The following HSPG2 variants were observed in gnomAD, a reference collection of about 807,000 sequenced individuals.
HSPG2 encodes heparan sulfate proteoglycan 2.
A neutral mutation model predicts 526.6 loss-of-function variants in HSPG2; 278 were observed. The observed-to-expected ratio is 0.53, with a 90% CI of 0.48 to 0.58. The LOEUF is 0.58. Ranked by LOEUF, HSPG2 falls within the 20% of genes least tolerant of loss-of-function variation. The pLI is 0.00. For missense variants in HSPG2, 5,354 were observed against 6,099.5 expected (o/e 0.88, Z 4.07); for synonymous variants, 2,465 against 2,555.4 (o/e 0.96, Z 1.07).
intron 85 of HSPG2, 31 bp from the exon 86 acceptor site, chr1:21,830,122 C>G (rs1375563584): frequency 6.5e-7 from 1 of 1,533,784 alleles, no homozygotes; most frequent in Non-Finnish European, 8.8e-7. Context: ...TGAAAAGACA[C>G]GGAGGTGACT....
rs1572213930 is a variant in HSPG2 at position 21,848,513 on chromosome 1, C to T, written c.7737+130G>A. On this transcript the variant is annotated intron_variant, in intron 59 of 96. Transcript: ENST00000374695. This position sits in a 1 kb window ranked among gnomAD's most constrained non-coding sequence, Gnocchi z 4.9. ...GTATTCTCAGCACTGGTCTAGGACC[C>T]ATCCAGCAAGGATACTCAATGTTTG... 1 of 1,088,450 alleles carries T rather than the reference C, an allele frequency of 9.2e-7. No individual in the cohort carries two copies. The highest frequency in any genetic ancestry group is 1.4e-6 in the Non-Finnish European group (1 of 713,276). 67.4% of individuals were successfully genotyped at this position (1,088,450 alleles called of 1,614,324 possible).
rs1208991299 is a variant in HSPG2, at chr1:21,852,851, G to C, written c.6592-19C>G. On this transcript the variant is annotated intron_variant, in intron 51 of 96. Coordinates refer to ENST00000374695, the MANE Select transcript of HSPG2 (RefSeq NM_005529.7). ...CGTGGGTCTGTGTGCAAATGGGGTG[G>C]GTTGGGAGGGGGCTGGAACAGTCCC... 5.0e-6 allele frequency: 8 copies of C among 1,611,348 alleles called. No individual in the cohort carries two copies. In the East Asian group the frequency reaches 1.8e-4, roughly 36 times the overall value.
chr1:21,859,955 C>T lies in HSPG2; in HGVS notation c.5062G>A (p.Val1688Met), dbSNP rs1406639261. Residue 1688 changes from valine to methionine, a missense_variant, in exon 41 of 97, where the codon GTG (valine) becomes ATG (methionine). Val to Met is a conservative substitution (Grantham distance 21). Transcript: ENST00000374695. The surrounding 1 kb of genome is among the most constrained non-coding windows in gnomAD (Gnocchi z 5.3). ...VVEVHPARSI[V>M]PQGGSHSLRC... The stretch of plus-strand genomic sequence containing the variant: ...AGGGAGTGGGAGCCACCTTGGGGCA[C>T]TATGCTTCGAGCAGGATGGACCTCG... 6.2e-6 allele frequency: 10 copies of T among 1,610,800 alleles called. No homozygotes were observed. Among genetic ancestry groups the T allele is most frequent in the Non-Finnish European group, 8.5e-6 (10 of 1,179,500 alleles).
intron 6 of HSPG2, chr1:21,889,770 C>A: frequency 1.6e-6 from 1 of 611,624 alleles, no homozygotes; most frequent in Non-Finnish European, 3.0e-6. Context: ...AAGGAAGGAG[C>A]AGAACTCGGG....
chr1:21,843,934 C>G (rs921689867), intron 65 of HSPG2, among the ~76,000 whole-genome samples: 5 of 152,228 alleles, frequency 3.3e-5, no homozygotes, highest in African/African-American at 1.2e-4. Flanking sequence ...CTGCGCCCAG[C>G]CAGAGATGTC....
chr1:21,830,437 A>G, intron 85 of HSPG2: 1 of 357,662 alleles, frequency 2.8e-6, no homozygotes, highest in South Asian at 2.7e-5. Flanking sequence ...CTGTAATCCC[A>G]GCACTTTGGG....
chr1:21,931,877 G>A (rs1569716863), intron 1 of HSPG2, among the ~76,000 whole-genome samples: 1 of 152,160 alleles, frequency 6.6e-6, no homozygotes, highest in East Asian at 1.9e-4. Context: ...AGGACAACCA[G>A]GAGGGTGTTC....
chr1:21,831,784 G>T lies in HSPG2; in HGVS notation c.11220C>A (p.Gly3740=). 6.2e-7 allele frequency: 1 copy of T among 1,601,582 alleles called. No individual in the cohort carries two copies. Among genetic ancestry groups the T allele is most frequent in the East Asian group, 2.2e-5 (1 of 44,604 alleles). Residue 3740 remains glycine, a synonymous_variant, in exon 82 of 97, where the codon GGC becomes GGA. Coordinates refer to ENST00000374695, the MANE Select transcript of HSPG2 (RefSeq NM_005529.7). ...GATGGCGGATGGTGGCCATGCCTGA[G>T]CCTGCATCGAACCTGCTCCGTGGGG... ...GGRPEFRFDA[G]SGMATIRHPT...
At position 21,824,763 on chromosome 1, in the gene HSPG2, G is replaced by A. The variant is rs778309550; in HGVS notation, c.12606C>T (p.Tyr4202=). 34 of 1,612,810 alleles carry A rather than the reference G, an allele frequency of 2.1e-5. No individual in the cohort carries two copies. The highest frequency in any genetic ancestry group is 2.4e-5 in the Non-Finnish European group (28 of 1,179,572). Reference sequence around the variant, plus strand: ...AGCCATCATCGTGGAAATAGGCTCCGTACTGCCCAGGGGCATCTGTGGGAG... The same window carrying A: ...AGCCATCATCGTGGAAATAGGCTCCATACTGCCCAGGGGCATCTGTGGGAG... The part of the protein sequence containing the change: ...GSGGNDAPGQ[Y]GAYFHDDGFL... Residue 4202 remains tyrosine, a synonymous_variant, in exon 92 of 97, where the codon TAC becomes TAT. Transcript: ENST00000374695. The surrounding 1 kb of genome is among the most constrained non-coding windows in gnomAD (Gnocchi z 5.9).
chr1:21,838,310 A>C (rs1476682285), intron 74 of HSPG2, among the ~76,000 whole-genome samples: 1 of 152,166 alleles, frequency 6.6e-6, no homozygotes, highest in East Asian at 1.9e-4. Flanking sequence ...TTTGGGGCCC[A>C]AAAGCCCTCA....
rs1874792 is a variant in HSPG2, at chr1:21,880,742, T to C, written c.1912A>G (p.Met638Val). ...GAGAGGAGGCGGTACCCGGCACCCA[T>C]GAGGACCACGTCCGGCCGCTGCACT... ...EPVQRPDVVL[M>V]GAGYRLLSRG... The change falls in exon 15 of 97, where the codon ATG (methionine) becomes GTG (valine). Residue 638 changes from methionine (M) to valine (V), a missense_variant. Transcript: ENST00000374695. 1 allele frequency: 1,594,995 copies of C among 1,601,730 alleles called. 794,360 individuals carry two copies. Among genetic ancestry groups the C allele is most frequent in the East Asian group, 1 (44,346 of 44,348 alleles).
At chr1:21,911,325 G>A (rs1470268012) in intron 1 of HSPG2, among the ~76,000 whole-genome samples, 1 of 152,212 alleles carries the variant, frequency 6.6e-6, no homozygotes, top group East Asian at 1.9e-4. Context: ...GCTGACAACA[G>A]CTGGGGAGAG....
intron 1 of HSPG2, among the ~76,000 whole-genome samples, chr1:21,926,015 A>C (rs1438722481): frequency 2.0e-5 from 3 of 151,972 alleles, no homozygotes; most frequent in Non-Finnish European, 4.4e-5. Flanking sequence ...TTTTCAGTAG[A>C]GATGGGGTTT....
rs752642571 is a variant in HSPG2, at chr1:21,885,341, G to C, written c.1189C>G (p.Arg397Gly). 1.1e-5 allele frequency: 18 copies of C among 1,613,890 alleles called. No individual in the cohort carries two copies. The South Asian group carries it at 2.0e-4, about 18-fold the overall frequency. The change falls in exon 10 of 97, where the codon CGG becomes GGG. Residue 397 changes from arginine to glycine, a missense_variant. Physicochemically the swap from Arg to Gly is moderately radical, Grantham distance 125. Coordinates refer to ENST00000374695, the MANE Select transcript of HSPG2 (RefSeq NM_005529.7). ...HCDEESDCPD[R>G]SDEFGCMPPQ... ...TCACTGCAGCCAAACTCGTCGCTCC[G>C]GTCAGGACAGTCGCTCTCCTCGTCA...
rs775571464 is a variant in HSPG2, at chr1:21,846,115, G to A, written c.8457C>T (p.His2819=). ...TIEASGSSAV[H]VPAPGGAPPI... ...CACTGCAGGGACCCTCACCGGGGAC[G>A]TGGACAGCACTTGAGCCAGAGGCTT... Residue 2819 remains histidine (H), a synonymous_variant, in exon 64 of 97, where the codon CAC becomes CAT. Coordinates refer to ENST00000374695, the MANE Select transcript of HSPG2 (RefSeq NM_005529.7). The A allele has an allele frequency of 1.6e-5, 25 of 1,612,680 alleles. No homozygotes were observed. The East Asian group carries it at 2.2e-4, about 14-fold the overall frequency.
At chr1:21,825,162 C>T in intron 91 of HSPG2, 1 of 308,750 alleles carries the variant, frequency 3.2e-6, no homozygotes, top group Non-Finnish European at 6.2e-6. Context: ...ACTGAGATCA[C>T]CAGATCTTGT....
At chr1:21,896,662 G>A (rs1187734842) in intron 1 of HSPG2, among the ~76,000 whole-genome samples, 1 of 152,194 alleles carries the variant, frequency 6.6e-6, no homozygotes, top group Non-Finnish European at 1.5e-5. Context: ...GATGCGGGCG[G>A]GTAAAGGGGT....
At position 21,824,680 on chromosome 1, in the gene HSPG2, G is replaced by A. The variant is rs765236183; in HGVS notation, c.12665+24C>T. 3 of 1,613,288 alleles carry A rather than the reference G, an allele frequency of 1.9e-6. No homozygotes were observed. Among genetic ancestry groups the A allele is most frequent in the South Asian group, 2.2e-5 (2 of 90,974 alleles). On this transcript the variant is annotated intron_variant, in intron 92 of 96. Transcript: ENST00000374695. The surrounding 1 kb of genome is among the most constrained non-coding windows in gnomAD (Gnocchi z 5.9). ...TTCCCATCCTCCCCATTAGGCCCATGGGCCCTTCCAATGCCAGTCTCACCT... is the reference window on the plus strand; with the variant it reads ...TTCCCATCCTCCCCATTAGGCCCATAGGCCCTTCCAATGCCAGTCTCACCT...
chr1:21,890,682 G>A lies in HSPG2; in HGVS notation c.257C>T (p.Ala86Val), dbSNP rs1470632093. Residue 86 changes from alanine (A) to valine (V), a missense_variant, in exon 4 of 97, where the codon GCC (alanine) becomes GTC (valine). Ala to Val is a moderately conservative substitution (Grantham distance 64). Coordinates refer to ENST00000374695, the MANE Select transcript of HSPG2 (RefSeq NM_005529.7). The surrounding 1 kb of genome is among the most constrained non-coding windows in gnomAD (Gnocchi z 4.1). Reference sequence around the variant, plus strand: ...GATGGAGCGAGTGAAATTCACCAGGGCTCGGAAATAAACTGGAAAATCGAA... The same window carrying A: ...GATGGAGCGAGTGAAATTCACCAGGACTCGGAAATAAACTGGAAAATCGAA... ...SGDFQMVYFR[A>V]LVNFTRSIEY... The A allele has an allele frequency of 6.2e-7, 1 of 1,613,206 alleles. No individual in the cohort carries two copies. Among genetic ancestry groups the A allele is most frequent in the Admixed American group, 1.7e-5 (1 of 60,032 alleles).
Sources: gnomAD v4.1 joint callset for allele counts (sites outside exome capture counted in the v4.1 genomes callset) on GRCh38, gnomAD v4.1.1 for gene constraint, Gnocchi (gnomAD v3.1) non-coding constraint, MANE v1.5 for transcripts, NCBI Gene and HGNC (gene_info 2026-07-23, HGNC 2026-07-21) for gene names.